The following CATSPERE variants were observed in gnomAD, a reference collection of about 807,000 sequenced individuals.
The protein encoded by CATSPERE is cation channel sperm-associated auxiliary subunit epsilon.
CATSPERE carries 93 observed loss-of-function variants against 114.1 expected under a neutral mutation model. That is an observed-to-expected ratio of 0.81 (90% CI 0.69 to 0.97). The LOEUF (loss-of-function observed/expected upper bound fraction) is 0.97, where lower values mean the gene tolerates loss of function less well. Among genes scored for constraint, CATSPERE ranks in the 50% least tolerant of loss-of-function variants. The probability of loss-of-function intolerance (pLI) is 0.00; values close to 1 mark genes in which losing one functional copy is unlikely to be tolerated. For missense variants in CATSPERE, 1,058 were observed against 1,131.6 expected (o/e 0.93, Z 0.93); for synonymous variants, 341 against 384.1 (o/e 0.89, Z 1.31).
At chr1:244,608,877 A>C (rs35721510) in intron 18 of CATSPERE, among the ~76,000 whole-genome samples, 1 of 151,868 alleles carries the variant, frequency 6.6e-6, no homozygotes. Flanking sequence ...TGCTTTATCC[A>C]TGCCTGTGTC....
chr1:244,466,183 G>A (rs939405883), intron 2 of CATSPERE, among the ~76,000 whole-genome samples: 7 of 151,994 alleles, frequency 4.6e-5, no homozygotes, highest in Non-Finnish European at 1.5e-5. Flanking sequence ...AACCCCACAC[G>A]GTACCAATGT....
At chr1:244,558,138 C>CTT (rs34664118) in intron 9 of CATSPERE, among the ~76,000 whole-genome samples, 1,693 of 109,386 alleles carry the variant, frequency 0.015, 64 homozygotes, top group East Asian at 0.024. Context: ...CTCTCTCTCT[C>CTT]TTTTTTTTTT....
At chr1:244,639,678 C>A (rs1329453083) in intron 21 of CATSPERE, among the ~76,000 whole-genome samples, 227 of 136,358 alleles carry the variant, frequency 1.7e-3, no homozygotes, top group Admixed American at 2.0e-3. Flanking sequence ...GACTCCATCT[C>A]AAAAAAAAAA....
rs897875188 is a variant in CATSPERE, at chr1:244,633,693, C to T, written c.2649-1796C>T. Among the ~76,000 whole-genome samples, 38 of 151,964 alleles carry T rather than the reference C, an allele frequency of 2.5e-4. No homozygotes were observed. Among genetic ancestry groups the T allele is most frequent in the Admixed American group, 2.3e-3 (35 of 15,238 alleles). On this transcript the variant is annotated intron_variant, in intron 20 of 21. Transcript: ENST00000366534. The surrounding 1 kb of genome is among the most constrained non-coding windows in gnomAD (Gnocchi z 4.1). ...CTCTACATGCACCAAGATATTTCCTCATTATCCCTTAAACCTCACAAATTC... is the reference window on the plus strand; with the variant it reads ...CTCTACATGCACCAAGATATTTCCTTATTATCCCTTAAACCTCACAAATTC...
Position 244,588,977 on chromosome 1 carries a change from A to G in CATSPERE, c.2138+443A>G, listed in dbSNP as rs146657469. On this transcript the variant is annotated intron_variant, in intron 14 of 21. Transcript: ENST00000366534. Reference sequence around the variant, plus strand: ...GCCTCAGTTTTCTGCACCATTTTCTATGGGAAATTTCTTAGAACAAGCCTA... The same window carrying G: ...GCCTCAGTTTTCTGCACCATTTTCTGTGGGAAATTTCTTAGAACAAGCCTA... Among the ~76,000 whole-genome samples, 71 of 152,278 alleles carry G rather than the reference A, an allele frequency of 4.7e-4. 1 individual carries two copies. The highest frequency in any genetic ancestry group is 1.5e-3 in the African/African-American group (63 of 41,558).
intron 7 of CATSPERE, among the ~76,000 whole-genome samples, chr1:244,506,669 A>G (rs1048454504): frequency 2.0e-5 from 3 of 152,152 alleles, no homozygotes; most frequent in African/African-American, 7.2e-5. Context: ...TTTTGGGGGT[A>G]TATGTGATAT....
intron 18 of CATSPERE, among the ~76,000 whole-genome samples, chr1:244,606,478 T>C (rs909975262): frequency 6.6e-6 from 1 of 151,650 alleles, no homozygotes; most frequent in Non-Finnish European, 1.5e-5. Flanking sequence ...GGGATGGCTC[T>C]TTCCGAAGTA....
intron 20 of CATSPERE, among the ~76,000 whole-genome samples, chr1:244,634,641 G>A (rs895870088): frequency 1.6e-4 from 24 of 152,288 alleles, no homozygotes; most frequent in African/African-American, 4.8e-4. Flanking sequence ...AGGTCAACAT[G>A]ATGGGCAGCA....
At chr1:244,618,868 C>T (rs1671730561) in intron 20 of CATSPERE, among the ~76,000 whole-genome samples, 1 of 152,016 alleles carries the variant, frequency 6.6e-6, no homozygotes, top group African/African-American at 2.4e-5. Flanking sequence ...AAAGGAAGGC[C>T]TAGTGGCAGT....
At chr1:244,570,561 G>T (rs1223636694) in intron 10 of CATSPERE, among the ~76,000 whole-genome samples, 1 of 152,034 alleles carries the variant, frequency 6.6e-6, no homozygotes, top group Non-Finnish European at 1.5e-5. Flanking sequence ...CAAGCAAAAG[G>T]CTATGAATTT....
chr1:244,527,834 C>T (rs539326153), intron 8 of CATSPERE, among the ~76,000 whole-genome samples: 2 of 152,254 alleles, frequency 1.3e-5, no homozygotes, highest in Non-Finnish European at 2.9e-5. Context: ...CCTGACTTCC[C>T]GCAACACCTA....
chr1:244,516,359 G>A (rs888560620), intron 7 of CATSPERE, among the ~76,000 whole-genome samples: 1 of 151,946 alleles, frequency 6.6e-6, no homozygotes, highest in African/African-American at 2.4e-5. Flanking sequence ...TTGTTTGTTT[G>A]TTTTTAGAGA....
Position 244,572,227 on chromosome 1 carries a change from C to G in CATSPERE, c.1508-103C>G, listed in dbSNP as rs980753341. ...CTAACTTTCTCAAAGTATGAAAATA[C>G]TCGGTCATTATCAAAGAAATTATTT... On this transcript the variant is annotated intron_variant, in intron 10 of 21. Coordinates refer to ENST00000366534, the MANE Select transcript of CATSPERE (RefSeq NM_001130957.2). 62 of 654,620 alleles carry G rather than the reference C, an allele frequency of 9.5e-5. No homozygotes were observed. The African/African-American group carries it at 1.0e-3, about 11-fold the overall frequency. The allele number at this position is 654,620 out of a possible 1,614,324, so 40.6% of individuals were successfully genotyped here.
intron 20 of CATSPERE, among the ~76,000 whole-genome samples, chr1:244,629,503 C>T (rs1189269270): frequency 2.2e-4 from 18 of 82,332 alleles, no homozygotes; most frequent in African/African-American, 4.9e-4. Flanking sequence ...TCTCTCTTAC[C>T]TTTTTTTTTT....
At chr1:244,470,244 A>G (rs1331953144) in intron 2 of CATSPERE, among the ~76,000 whole-genome samples, 1 of 152,242 alleles carries the variant, frequency 6.6e-6, no homozygotes, top group Non-Finnish European at 1.5e-5. Flanking sequence ...AAGTGAAGAC[A>G]ATTCACAGGA....
At chr1:244,508,748 C>G (rs966641722) in intron 7 of CATSPERE, among the ~76,000 whole-genome samples, 6 of 148,766 alleles carry the variant, frequency 4.0e-5, no homozygotes, top group African/African-American at 1.5e-4. Flanking sequence ...CCTGTAATCC[C>G]AGCACTTTGG....
At chr1:244,628,918 C>T (rs977793980) in intron 20 of CATSPERE, among the ~76,000 whole-genome samples, 1 of 152,200 alleles carries the variant, frequency 6.6e-6, no homozygotes, top group African/African-American at 2.4e-5. Flanking sequence ...AAGACCAGTT[C>T]TGTACTTACA....
rs548018430 is a variant in CATSPERE, at chr1:244,548,822, T to G, written c.537-3500T>G. On this transcript the variant is annotated intron_variant, in intron 8 of 21. Coordinates refer to ENST00000366534, the MANE Select transcript of CATSPERE (RefSeq NM_001130957.2). ...TCTGAATCATGCCTAATATATGGTGTTGTTTTTCTGATTGCCAGGATTCTC... is the reference window on the plus strand; with the variant it reads ...TCTGAATCATGCCTAATATATGGTGGTGTTTTTCTGATTGCCAGGATTCTC... 8.0e-5 allele frequency among the ~76,000 whole-genome samples: 12 copies of G among 150,284 alleles called. No homozygotes were observed. In the South Asian group the frequency reaches 1.2e-3, roughly 16 times the overall value.
chr1:244,572,955 A>G (rs10803222), intron 11 of CATSPERE, among the ~76,000 whole-genome samples, 183 bp downstream of exon 11: 13,998 of 152,102 alleles, frequency 0.092, 1,179 homozygotes, highest in East Asian at 0.41. Context: ...TGCTTTCCAT[A>G]TCCAAGCCCT....
Sources: allele counts gnomAD v4.1 joint callset (sites outside exome capture counted in the v4.1 genomes callset), GRCh38; gene constraint gnomAD v4.1.1; non-coding constraint Gnocchi (gnomAD v3.1); transcripts MANE v1.5; gene names NCBI Gene and HGNC (gene_info 2026-07-23, HGNC 2026-07-21).